The following FHIT variants were observed in gnomAD, a reference collection of about 807,000 sequenced individuals.
FHIT encodes bis(5'-adenosyl)-triphosphatase.
A neutral mutation model predicts 17.9 loss-of-function variants in FHIT; 19 were observed. The ratio of observed to expected loss-of-function variants is 1.06; its 90% confidence interval spans 0.74 to 1.56. The LOEUF is 1.56. Ranked by LOEUF, FHIT falls within the 40% of genes most tolerant of loss-of-function variation. FHIT has a pLI of 0.00. For missense variants in FHIT, 248 were observed against 189.2 expected, an observed-to-expected ratio of 1.31 and a Z score of -1.82; for synonymous variants, 81 against 69.7, an observed-to-expected ratio of 1.16 and a Z score of -0.81.
At chr3:60,340,685 G>A (rs891124823) in intron 5 of FHIT, among the ~76,000 whole-genome samples, 6 of 152,148 alleles carry the variant, frequency 3.9e-5, no homozygotes, top group Non-Finnish European at 8.8e-5. Flanking sequence ...GGTTTTAACT[G>A]TGAGTGTCCA....
At chr3:59,840,538 TCTC>T (rs1326487226) in intron 8 of FHIT, among the ~76,000 whole-genome samples, 3 of 152,154 alleles carry the variant, frequency 2.0e-5, no homozygotes, top group African/African-American at 7.2e-5. Context: ...GGAGATTTCT[TCTC>T]CTTCTGAAAT....
At chr3:60,936,815 G>C (rs1708210641) in intron 3 of FHIT, among the ~76,000 whole-genome samples, 1 of 152,118 alleles carries the variant, frequency 6.6e-6, no homozygotes, top group South Asian at 2.1e-4. Flanking sequence ...AAAGGGAAAA[G>C]AGGATAATTT....
chr3:61,043,380 C>T (rs1044545509), intron 2 of FHIT, among the ~76,000 whole-genome samples: 1 of 152,162 alleles, frequency 6.6e-6, no homozygotes, highest in African/African-American at 2.4e-5. Flanking sequence ...TCTCTGTTAG[C>T]ACAGCAGTCT....
chr3:60,144,448 G>A (rs1207402658), intron 5 of FHIT, among the ~76,000 whole-genome samples: 2 of 152,174 alleles, frequency 1.3e-5, no homozygotes, highest in African/African-American at 4.8e-5. Context: ...GGAGCTTGGA[G>A]AGACTGAGGG....
At chr3:60,121,512 C>A (rs1705245194) in intron 5 of FHIT, among the ~76,000 whole-genome samples, 1 of 152,026 alleles carries the variant, frequency 6.6e-6, no homozygotes, top group East Asian at 1.9e-4. Flanking sequence ...ATGGTGAGAT[C>A]CCATCTCTAC....
At chr3:60,663,131 T>C (rs1015179426) in intron 4 of FHIT, among the ~76,000 whole-genome samples, 2 of 144,054 alleles carry the variant, frequency 1.4e-5, no homozygotes, top group Admixed American at 6.9e-5. Flanking sequence ...ACTATAGCTA[T>C]ATAGCCCTAA....
intron 4 of FHIT, among the ~76,000 whole-genome samples, chr3:60,694,031 A>G (rs1168247329): frequency 6.6e-6 from 1 of 152,194 alleles, no homozygotes; most frequent in Non-Finnish European, 1.5e-5. Flanking sequence ...CTAGGAGAAG[A>G]AGCATTAGCC....
At chr3:60,906,887 G>A (rs782416181) in intron 3 of FHIT, among the ~76,000 whole-genome samples, 4 of 152,158 alleles carry the variant, frequency 2.6e-5, no homozygotes, top group East Asian at 3.9e-4. Context: ...AAGGAAGACC[G>A]TGCTCTATGA....
chr3:60,352,760 A>G (rs375598183), intron 5 of FHIT, among the ~76,000 whole-genome samples: 3 of 152,200 alleles, frequency 2.0e-5, no homozygotes, highest in East Asian at 1.9e-4. Flanking sequence ...TGATCCTCCC[A>G]ACCTCAGCCT....
At chr3:60,791,657 T>A (rs1189655348) in intron 4 of FHIT, among the ~76,000 whole-genome samples, 3 of 152,094 alleles carry the variant, frequency 2.0e-5, no homozygotes, top group African/African-American at 7.2e-5. Flanking sequence ...AGAAACAATA[T>A]AATACACCTG....
In FHIT at chr3:59,921,182, A is replaced by G. The variant is rs117401235; in HGVS notation, c.348+1164T>C. ...ATAACCAGCCACCTCACGGAATCCA[A>G]TGTGTTCCAGAAACATTAATTATAC... On this transcript the variant is annotated intron_variant, in intron 8 of 9. Coordinates refer to ENST00000492590, the MANE Select transcript of FHIT (RefSeq NM_002012.4). Among the ~76,000 whole-genome samples the G allele has an allele frequency of 1.8e-4, 28 of 152,302 alleles. No homozygotes were observed. The East Asian group carries it at 4.2e-3, about 23-fold the overall frequency.
At chr3:60,953,834 T>A (rs1553777966) in intron 3 of FHIT, among the ~76,000 whole-genome samples, 1 of 152,218 alleles carries the variant, frequency 6.6e-6, no homozygotes, top group African/African-American at 2.4e-5. Flanking sequence ...TCATTACTAT[T>A]GATTCCCTGC....
chr3:60,171,920 T>C (rs1284213298), intron 5 of FHIT, among the ~76,000 whole-genome samples: 1 of 152,098 alleles, frequency 6.6e-6, no homozygotes, highest in Admixed American at 6.5e-5. Context: ...ATTTGTATCA[T>C]ACTACTGGCC....
intron 3 of FHIT, among the ~76,000 whole-genome samples, chr3:60,943,769 T>C (rs1175123313): frequency 3.9e-5 from 6 of 152,314 alleles, no homozygotes; most frequent in African/African-American, 1.4e-4. Flanking sequence ...ATAAATAATT[T>C]AGACACATTG....
At chr3:60,227,650 G>T (rs1435704537) in intron 5 of FHIT, among the ~76,000 whole-genome samples, 2 of 152,090 alleles carry the variant, frequency 1.3e-5, no homozygotes, top group Admixed American at 1.3e-4. Flanking sequence ...GTAAATCATG[G>T]ATCACTGTTT....
At chr3:60,592,493 A>G (rs7645898) in intron 4 of FHIT, among the ~76,000 whole-genome samples, 65,159 of 151,874 alleles carry the variant, frequency 0.43, 16,891 homozygotes, top group Non-Finnish European at 0.56. Context: ...CACCGTGGTC[A>G]TCTAAAACCC....
intron 3 of FHIT, among the ~76,000 whole-genome samples, chr3:60,966,347 C>T (rs1464174930): frequency 6.6e-6 from 1 of 152,238 alleles, no homozygotes; most frequent in East Asian, 1.9e-4. Context: ...CACGGCTTCT[C>T]TTGACTAGGA....
intron 2 of FHIT, among the ~76,000 whole-genome samples, chr3:61,118,351 T>C (rs2036360943): frequency 1.3e-5 from 2 of 152,108 alleles, no homozygotes; most frequent in African/African-American, 2.4e-5. Context: ...CTACCCGCAG[T>C]CTGAGATGTG....
At chr3:60,619,228 G>A (rs376618940) in intron 4 of FHIT, among the ~76,000 whole-genome samples, 21 of 152,162 alleles carry the variant, frequency 1.4e-4, no homozygotes, top group South Asian at 8.3e-4. Context: ...AATCACTGTC[G>A]TTGTTTACAA....
Sources: allele counts gnomAD v4.1 joint callset (sites outside exome capture counted in the v4.1 genomes callset), GRCh38; gene constraint gnomAD v4.1.1; transcripts MANE v1.5; gene names NCBI Gene and HGNC (gene_info 2026-07-23, HGNC 2026-07-21).